PCDH9: variants seen among roughly 807,000 people sequenced by gnomAD.
The protein encoded by PCDH9 is protocadherin 9, also known as protocadherin-9.
PCDH9 carries 24 observed loss-of-function variants against 70.6 expected under a neutral mutation model. The observed-to-expected ratio is 0.34, with a 90% CI of 0.25 to 0.48. The LOEUF is 0.48. PCDH9 is among the 20% of genes least tolerant of loss of function. The probability of loss-of-function intolerance (pLI) is 0.99; values close to 1 mark genes in which losing one functional copy is unlikely to be tolerated. For missense variants in PCDH9, 1,281 were observed against 1,503.6 expected, an observed-to-expected ratio of 0.85 and a Z score of 2.45; for synonymous variants, 562 against 558.5, an observed-to-expected ratio of 1.01 and a Z score of -0.09.
chr13:66,560,905 AG>A (rs1961982561), intron 4 of PCDH9, among the ~76,000 whole-genome samples: 1 of 152,126 alleles, frequency 6.6e-6, no homozygotes, highest in Admixed American at 6.5e-5. Context: ...GCGTGCTAGC[AG>A]TCCTCACAGC....
At chr13:66,550,034 G>A (rs955357860) in intron 4 of PCDH9, among the ~76,000 whole-genome samples, 4 of 151,876 alleles carry the variant, frequency 2.6e-5, no homozygotes, top group African/African-American at 7.3e-5. Flanking sequence ...TAGCCCAAGA[G>A]CAATCATAAT....
Position 67,226,285 on chromosome 13 carries a change from C to T in PCDH9, c.2156G>A (p.Ser719Asn), listed in dbSNP as rs971913449. The T allele has an allele frequency of 3.1e-6, 5 of 1,614,130 alleles. No individual in the cohort carries two copies. Among genetic ancestry groups the T allele is most frequent in the South Asian group, 2.2e-5 (2 of 91,086 alleles). ...CCGGAATAAGCCTTTATTGTTTCCA[C>T]TCACTATAGTATACTTTAGTTCAGC... ...MNAELKYTIV[S>N]GNNKGLFRID... The change falls in exon 2 of 5, where the codon AGT becomes AAT. Residue 719 changes from serine to asparagine, a missense_variant. Physicochemically the swap from Ser to Asn is conservative, Grantham distance 46 (BLOSUM62 1). Coordinates refer to ENST00000377865, the MANE Select transcript of PCDH9 (RefSeq NM_203487.3). The surrounding 1 kb of genome is among the most constrained non-coding windows in gnomAD (Gnocchi z 5.0).
chr13:66,652,681 C>CA, intron 3 of PCDH9, among the ~76,000 whole-genome samples: 1 of 151,808 alleles, frequency 6.6e-6, no homozygotes, highest in South Asian at 2.1e-4. Flanking sequence ...CAATCCTGAG[C>CA]AAAAATAAGA....
intron 3 of PCDH9, among the ~76,000 whole-genome samples, chr13:66,652,049 G>A (rs999529172): frequency 1.3e-5 from 2 of 152,036 alleles, no homozygotes; most frequent in African/African-American, 4.8e-5. Flanking sequence ...CAGAGCTAGT[G>A]TCATACTGAA....
intron 3 of PCDH9, among the ~76,000 whole-genome samples, chr13:66,685,558 A>G (rs1401513666): frequency 6.6e-6 from 1 of 152,188 alleles, no homozygotes; most frequent in Non-Finnish European, 1.5e-5. Context: ...GGTACTGCCT[A>G]GTGGAGATGT....
chr13:66,642,169 T>C (rs1007998882), intron 3 of PCDH9, among the ~76,000 whole-genome samples: 1 of 152,100 alleles, frequency 6.6e-6, no homozygotes, highest in African/African-American at 2.4e-5. Context: ...TGTCTTAAAA[T>C]GTGGAATTTA....
intron 3 of PCDH9, among the ~76,000 whole-genome samples, chr13:66,818,542 T>C (rs2080648662): frequency 6.6e-6 from 1 of 152,134 alleles, no homozygotes; most frequent in Non-Finnish European, 1.5e-5. Flanking sequence ...CAAGAATATA[T>C]AAAATCAATA....
chr13:67,071,405 T>C (rs1188993167), intron 2 of PCDH9, among the ~76,000 whole-genome samples: 1 of 152,222 alleles, frequency 6.6e-6, no homozygotes, highest in African/African-American at 2.4e-5. Context: ...TGATAATTTC[T>C]ACCTTTGCCA....
At chr13:66,659,539 T>TTGCGTGTGTGTGTGTGTG (rs1555318256) in intron 3 of PCDH9, among the ~76,000 whole-genome samples, 1 of 30,270 alleles carries the variant, frequency 3.3e-5, no homozygotes, top group Non-Finnish European at 6.9e-5. Context: ...TAAGTTATGT[T>TTGCGTGTGTGTGTGTGTG]TGTGTGTGTG....
chr13:67,038,340 C>T (rs2085048201), intron 2 of PCDH9, among the ~76,000 whole-genome samples: 1 of 151,970 alleles, frequency 6.6e-6, no homozygotes, highest in Non-Finnish European at 1.5e-5. Flanking sequence ...CACACATTTC[C>T]AACTTTTTAA....
intron 4 of PCDH9, among the ~76,000 whole-genome samples, chr13:66,614,995 T>C (rs1006256163): frequency 6.6e-6 from 1 of 152,212 alleles, no homozygotes; most frequent in Admixed American, 6.5e-5. Context: ...TGTGGAATTC[T>C]GAGAAAGGTA....
chr13:67,229,213 C>T (rs924010967), intron 1 of PCDH9, among the ~76,000 whole-genome samples: 1 of 152,234 alleles, frequency 6.6e-6, no homozygotes, highest in African/African-American at 2.4e-5. Context: ...TTGCCCACAG[C>T]TTGCTCTCCT....
chr13:66,317,559 C>T (rs1294074094), intron 4 of PCDH9, among the ~76,000 whole-genome samples: 2 of 152,100 alleles, frequency 1.3e-5, no homozygotes, highest in East Asian at 3.9e-4. Flanking sequence ...ACCATCAGAG[C>T]TTTTAGTCTT....
chr13:67,067,344 T>G (rs1213654714), intron 2 of PCDH9, among the ~76,000 whole-genome samples: 1 of 152,140 alleles, frequency 6.6e-6, no homozygotes, highest in Non-Finnish European at 1.5e-5. Context: ...ATAATATATT[T>G]TACCCCATGT....
intron 4 of PCDH9, among the ~76,000 whole-genome samples, chr13:66,618,458 A>G (rs912296334): frequency 6.6e-6 from 1 of 152,136 alleles, no homozygotes; most frequent in Non-Finnish European, 1.5e-5. Context: ...AAAATTTCAA[A>G]TTGTTTTGAA....
chr13:67,119,736 T>C (rs1268019305), intron 2 of PCDH9, among the ~76,000 whole-genome samples: 1 of 152,108 alleles, frequency 6.6e-6, no homozygotes, highest in Non-Finnish European at 1.5e-5. Context: ...TATTTTAGAA[T>C]TGCCTAAGCA....
chr13:67,177,892 A>G (rs1383869402), intron 2 of PCDH9, among the ~76,000 whole-genome samples: 1 of 151,918 alleles, frequency 6.6e-6, no homozygotes, highest in Non-Finnish European at 1.5e-5. Context: ...TGACTACACA[A>G]TTTTTTTCAA....
intron 2 of PCDH9, among the ~76,000 whole-genome samples, chr13:67,158,802 G>A (rs2087878683): frequency 1.3e-5 from 2 of 152,140 alleles, no homozygotes; most frequent in Non-Finnish European, 2.9e-5. Flanking sequence ...TATAGTCGGT[G>A]GGACTTGCTG....
chr13:66,483,140 T>A (rs1037310481), intron 4 of PCDH9, among the ~76,000 whole-genome samples: 1 of 152,230 alleles, frequency 6.6e-6, no homozygotes, highest in African/African-American at 2.4e-5. Flanking sequence ...AATTGTTAAT[T>A]CATCGGAACT....
Sources: allele counts gnomAD v4.1 joint callset (sites outside exome capture counted in the v4.1 genomes callset), GRCh38; gene constraint gnomAD v4.1.1; non-coding constraint Gnocchi (gnomAD v3.1); transcripts MANE v1.5; gene names NCBI Gene and HGNC (gene_info 2026-07-23, HGNC 2026-07-21).